EBF1: variants seen among roughly 807,000 people sequenced by gnomAD.
EBF1 encodes the protein EBF transcription factor 1, also known as transcription factor COE1.
A neutral mutation model predicts 68.4 loss-of-function variants in EBF1; 10 were observed. That is an observed-to-expected ratio of 0.15 (90% CI 0.09 to 0.25). The LOEUF is 0.25. Ranked by LOEUF, EBF1 falls within the 10% of genes least tolerant of loss-of-function variation. The pLI, the probability that EBF1 is intolerant of heterozygous loss-of-function variation, is 1.00. For synonymous variants in EBF1, 298 were observed against 299.8 expected, an observed-to-expected ratio of 0.99 and a Z score of 0.06; for missense variants, 509 against 794.4, an observed-to-expected ratio of 0.64 and a Z score of 4.32.
At chr5:158,791,447 CTGAT>C (rs1778585043) in intron 9 of EBF1, among the ~76,000 whole-genome samples, 1 of 151,980 alleles carries the variant, frequency 6.6e-6, no homozygotes, top group Non-Finnish European at 1.5e-5. Flanking sequence ...TCTATATCCT[CTGAT>C]TGGGCAATGG....
At chr5:158,868,296 GTGTTAGAGA>G (rs1466264742) in intron 6 of EBF1, among the ~76,000 whole-genome samples, 1 of 152,068 alleles carries the variant, frequency 6.6e-6, no homozygotes, top group Non-Finnish European at 1.5e-5. Flanking sequence ...TTCAACTTAT[GTGTTAGAGA>G]TGTTAGAGAG....
At chr5:158,943,463 A>G (rs976413234) in intron 6 of EBF1, among the ~76,000 whole-genome samples, 2 of 152,204 alleles carry the variant, frequency 1.3e-5, no homozygotes, top group African/African-American at 4.8e-5. Context: ...TAATAATTAC[A>G]GAAAGAAGTA....
At chr5:158,754,827 T>C (rs560632752) in intron 10 of EBF1, among the ~76,000 whole-genome samples, 1 of 152,250 alleles carries the variant, frequency 6.6e-6, no homozygotes, top group East Asian at 1.9e-4. Flanking sequence ...TAGATGACAA[T>C]GGATGAATAT....
intron 14 of EBF1, among the ~76,000 whole-genome samples, chr5:158,710,206 T>C (rs1321911232): frequency 6.6e-6 from 1 of 152,204 alleles, no homozygotes; most frequent in Non-Finnish European, 1.5e-5. Flanking sequence ...AGAGCATATT[T>C]GAGAATTTAA....
intron 6 of EBF1, among the ~76,000 whole-genome samples, chr5:158,960,581 A>T (rs564726504): frequency 6.6e-6 from 1 of 152,346 alleles, no homozygotes; most frequent in South Asian, 2.1e-4. Flanking sequence ...AATGTTTTTA[A>T]AAAATAGGTT....
intron 6 of EBF1, among the ~76,000 whole-genome samples, chr5:158,852,408 TG>T (rs1297621117): frequency 6.6e-6 from 1 of 152,082 alleles, no homozygotes; most frequent in Non-Finnish European, 1.5e-5. Context: ...CACACATCAT[TG>T]GGGATAATGA....
intron 5 of EBF1, among the ~76,000 whole-genome samples, chr5:159,077,686 C>T (rs754602418): frequency 1.9e-4 from 28 of 149,734 alleles, no homozygotes; most frequent in Non-Finnish European, 2.8e-4. Flanking sequence ...GAGAGTGGAA[C>T]AGGCAGTGGG....
intron 8 of EBF1, among the ~76,000 whole-genome samples, chr5:158,807,840 ACAG>A (rs1462050485): frequency 2.6e-5 from 4 of 152,158 alleles, no homozygotes; most frequent in African/African-American, 9.6e-5. Context: ...GTCATGCAAG[ACAG>A]CATAGATAGT....
intron 6 of EBF1, among the ~76,000 whole-genome samples, chr5:158,870,225 C>T (rs1796655148): frequency 6.6e-6 from 1 of 152,172 alleles, no homozygotes; most frequent in Non-Finnish European, 1.5e-5. Flanking sequence ...TTCTGCTCCC[C>T]TCCTCCAGAA....
At chr5:159,026,127 C>T (rs1412825357) in intron 6 of EBF1, among the ~76,000 whole-genome samples, 5 of 152,220 alleles carry the variant, frequency 3.3e-5, no homozygotes, top group Non-Finnish European at 7.4e-5. Flanking sequence ...AGATGATGCC[C>T]GTCAAGCTGG....
intron 7 of EBF1, among the ~76,000 whole-genome samples, chr5:158,829,004 A>G (rs1160108392): frequency 6.6e-6 from 1 of 152,246 alleles, no homozygotes; most frequent in East Asian, 1.9e-4. Flanking sequence ...AAGACAGTGA[A>G]AAGATCAGTG....
chr5:159,088,794 G>A (rs922340628), intron 4 of EBF1, among the ~76,000 whole-genome samples: 1 of 152,084 alleles, frequency 6.6e-6, no homozygotes, highest in East Asian at 1.9e-4. Context: ...CTATATAGAT[G>A]GGTGGGAGGG....
chr5:158,905,129 G>A (rs1804296771), intron 6 of EBF1, among the ~76,000 whole-genome samples: 1 of 152,164 alleles, frequency 6.6e-6, no homozygotes, highest in Non-Finnish European at 1.5e-5. Flanking sequence ...ATAAGCTCAA[G>A]CGAAATGAGG....
rs546166851 is a variant in EBF1, at chr5:158,769,380, C to T, written c.1036+8033G>A. ...ATATAAGGCCTCGTGGCCATTTAGACCTCTAATGTCAGTGAAAATATCCCT... is the reference window on the plus strand; with the variant it reads ...ATATAAGGCCTCGTGGCCATTTAGATCTCTAATGTCAGTGAAAATATCCCT... On this transcript the variant is annotated intron_variant, in intron 10 of 15. Coordinates refer to ENST00000313708, the MANE Select transcript of EBF1 (RefSeq NM_024007.5). 6.6e-5 allele frequency among the ~76,000 whole-genome samples: 10 copies of T among 151,840 alleles called. No individual in the cohort carries two copies. The South Asian group carries it at 2.1e-3, about 32-fold the overall frequency.
At chr5:158,973,875 G>C (rs1013206157) in intron 6 of EBF1, among the ~76,000 whole-genome samples, 2 of 152,114 alleles carry the variant, frequency 1.3e-5, no homozygotes, top group African/African-American at 4.8e-5. Flanking sequence ...GCCATCTTCT[G>C]GTTCTCACCA....
At chr5:159,034,876 C>G (rs570958848) in intron 6 of EBF1, among the ~76,000 whole-genome samples, 5 of 152,178 alleles carry the variant, frequency 3.3e-5, no homozygotes, top group Admixed American at 6.5e-5. Flanking sequence ...TTCCTGCCTA[C>G]CTTGTCCAAC....
chr5:158,899,303 A>G (rs1246922187), intron 6 of EBF1, among the ~76,000 whole-genome samples: 6 of 152,244 alleles, frequency 3.9e-5, no homozygotes, highest in Non-Finnish European at 8.8e-5. Context: ...TTAGCATAAA[A>G]CATATGTGAT....
intron 11 of EBF1, among the ~76,000 whole-genome samples, chr5:158,722,321 T>C (rs551681306): frequency 4.5e-4 from 68 of 152,322 alleles, no homozygotes; most frequent in African/African-American, 1.2e-3. Flanking sequence ...CCTGGGCTTT[T>C]AGAAAACACA....
chr5:159,088,931 A>G (rs1781168475), intron 4 of EBF1, among the ~76,000 whole-genome samples: 1 of 152,164 alleles, frequency 6.6e-6, no homozygotes, highest in South Asian at 2.1e-4. Flanking sequence ...AATCCTGCCA[A>G]TGGCAAATAA....
Sources: gnomAD v4.1 joint callset for allele counts (sites outside exome capture counted in the v4.1 genomes callset) on GRCh38, gnomAD v4.1.1 for gene constraint, MANE v1.5 for transcripts, NCBI Gene and HGNC (gene_info 2026-07-23, HGNC 2026-07-21) for gene names.